DLG2: variants seen among roughly 807,000 people sequenced by gnomAD.
DLG2 encodes the protein disks large homolog 2.
DLG2 carries 45 observed loss-of-function variants against 132.5 expected under a neutral mutation model. The observed-to-expected ratio is 0.34, with a 90% CI of 0.27 to 0.44. DLG2 has a LOEUF of 0.44. Among genes scored for constraint, DLG2 ranks in the 20% least tolerant of loss-of-function variants. The pLI is 1.00. For synonymous variants in DLG2, 424 were observed against 419.6 expected (o/e 1.01, Z -0.13); for missense variants, 1,045 against 1,196.9 (o/e 0.87, Z 1.87).
intron 3 of DLG2, among the ~76,000 whole-genome samples, chr11:85,508,197 G>A (rs2093978564): frequency 6.6e-6 from 1 of 152,080 alleles, no homozygotes; most frequent in African/African-American, 2.4e-5. Context: ...ATCATGTGAA[G>A]CTTACTTATG....
chr11:84,120,063 A>G (rs2093831420), intron 9 of DLG2, among the ~76,000 whole-genome samples: 1 of 152,212 alleles, frequency 6.6e-6, no homozygotes, highest in South Asian at 2.1e-4. Context: ...ACTTCATTTC[A>G]TCCAAAGGCA....
At chr11:84,364,012 T>A (rs1261680120) in intron 7 of DLG2, among the ~76,000 whole-genome samples, 4 of 152,314 alleles carry the variant, frequency 2.6e-5, no homozygotes, top group African/African-American at 4.8e-5. Context: ...TGGTTCCATA[T>A]GAACTTTAAA....
intron 21 of DLG2, among the ~76,000 whole-genome samples, chr11:83,531,384 G>T: frequency 6.6e-6 from 1 of 151,900 alleles, no homozygotes; most frequent in East Asian, 1.9e-4. Context: ...ATATACAAAT[G>T]GCCAATAAGC....
At chr11:85,544,271 T>C (rs889636237) in intron 3 of DLG2, among the ~76,000 whole-genome samples, 5 of 152,244 alleles carry the variant, frequency 3.3e-5, no homozygotes, top group South Asian at 4.1e-4. Context: ...TGCTTGCTTT[T>C]GTCAGCTTTG....
Position 83,962,903 on chromosome 11 carries a change from A to G in DLG2, c.1322T>C (p.Val441Ala). ...ATCTGACCTGGTGTAGTCGTCGTCA[A>G]CAAGCATGTGCTTTGGAATTGGTGA... ...RYSPIPKHMLVDDDYTRPPEP... is the reference protein window; with the variant it reads ...RYSPIPKHMLADDDYTRPPEP... Residue 441 changes from valine to alanine, a missense_variant, in exon 14 of 28, where the codon GTT becomes GCT. Val to Ala is a moderately conservative substitution (Grantham distance 64). Around this residue, in one of 4 missense-constraint regions of DLG2, gnomAD observed 261 missense variants for 256.1 expected, o/e 1.02. Transcript: ENST00000376104. The G allele has an allele frequency of 6.2e-7, 1 of 1,613,026 alleles. No individual in the cohort carries two copies. Among genetic ancestry groups the G allele is most frequent in the African/African-American group, 1.3e-5 (1 of 74,974 alleles).
intron 15 of DLG2, among the ~76,000 whole-genome samples, chr11:83,903,722 T>G (rs2154101530): frequency 6.6e-6 from 1 of 152,298 alleles, no homozygotes; most frequent in South Asian, 2.1e-4. Flanking sequence ...ATTCACATCT[T>G]AAAATAAGTG....
At chr11:84,750,813 T>C (rs2066009424) in intron 6 of DLG2, among the ~76,000 whole-genome samples, 1 of 152,184 alleles carries the variant, frequency 6.6e-6, no homozygotes, top group Non-Finnish European at 1.5e-5. Flanking sequence ...ATGTGTAATT[T>C]ATGATCTTAC....
chr11:84,764,278 T>C (rs1353458707), intron 6 of DLG2, among the ~76,000 whole-genome samples: 1 of 152,158 alleles, frequency 6.6e-6, no homozygotes, highest in Non-Finnish European at 1.5e-5. Context: ...TTTTCCCCTA[T>C]AGTTACTCTC....
chr11:84,739,010 G>A (rs1276690570), intron 6 of DLG2, among the ~76,000 whole-genome samples: 2 of 152,046 alleles, frequency 1.3e-5, no homozygotes, highest in African/African-American at 2.4e-5. Flanking sequence ...GTGATATAAA[G>A]TAGATCTACT....
chr11:84,556,773 G>A (rs1232843035), intron 6 of DLG2, among the ~76,000 whole-genome samples: 1 of 152,188 alleles, frequency 6.6e-6, no homozygotes, highest in East Asian at 1.9e-4. Context: ...AATCATTCAT[G>A]TGTTCTTATC....
intron 8 of DLG2, among the ~76,000 whole-genome samples, chr11:84,167,827 A>ACT (rs1566788997): frequency 1.3e-5 from 2 of 152,098 alleles, no homozygotes; most frequent in African/African-American, 4.8e-5. Flanking sequence ...CCACCATGCC[A>ACT]AGCTAATTTT....
intron 7 of DLG2, among the ~76,000 whole-genome samples, chr11:84,525,948 A>G (rs915673824): frequency 2.0e-5 from 3 of 152,098 alleles, no homozygotes; most frequent in African/African-American, 7.2e-5. Flanking sequence ...TCAAGTAAAA[A>G]ATGATCTCGT....
chr11:84,425,667 A>G (rs1044995947), intron 7 of DLG2, among the ~76,000 whole-genome samples: 1 of 152,138 alleles, frequency 6.6e-6, no homozygotes, highest in African/African-American at 2.4e-5. Context: ...TCATCCTACA[A>G]CATCCCCTAT....
chr11:83,832,950 T>C (rs1160025443), intron 17 of DLG2, among the ~76,000 whole-genome samples: 1 of 152,154 alleles, frequency 6.6e-6, no homozygotes, highest in Non-Finnish European at 1.5e-5. Context: ...GTTTAGAGTA[T>C]GGTTATGAGT....
chr11:85,554,284 T>G (rs991119526), intron 3 of DLG2, among the ~76,000 whole-genome samples: 36 of 151,686 alleles, frequency 2.4e-4, no homozygotes, highest in African/African-American at 8.7e-4. Context: ...TAAAAAATAT[T>G]AGAGAAAATA....
chr11:84,282,681 C>T (rs896503493), intron 7 of DLG2, among the ~76,000 whole-genome samples: 5 of 152,100 alleles, frequency 3.3e-5, no homozygotes, highest in Non-Finnish European at 5.9e-5. Context: ...AAAGCAATGA[C>T]CTTCCAGCAG....
rs1170881473 is a variant in DLG2, at chr11:84,146,645, ACATGAC to A, written c.624+16810_624+16815del. 3.9e-5 allele frequency among the ~76,000 whole-genome samples: 6 copies of A among 152,300 alleles called. No individual in the cohort carries two copies. In the East Asian group the frequency reaches 1.2e-3, roughly 29 times the overall value. On this transcript the variant is annotated intron_variant, in intron 9 of 27. Coordinates refer to ENST00000376104, the MANE Select transcript of DLG2 (RefSeq NM_001142699.3). Reference sequence around the variant, plus strand: ...CAGGCTGTGGCAATATGACCCTAGGACATGACCTACCTGACAACTTCAGAATAGTGA... The same window carrying A: ...CAGGCTGTGGCAATATGACCCTAGGACTACCTGACAACTTCAGAATAGTGA...
At chr11:84,413,096 CTAG>C (rs957090372) in intron 7 of DLG2, among the ~76,000 whole-genome samples, 1 of 152,116 alleles carries the variant, frequency 6.6e-6, no homozygotes, top group African/African-American at 2.4e-5. Flanking sequence ...AATGAATGAC[CTAG>C]TTAGGCTCAT....
At chr11:84,935,289 C>A (rs1219804831) in intron 6 of DLG2, among the ~76,000 whole-genome samples, 1 of 152,146 alleles carries the variant, frequency 6.6e-6, no homozygotes, top group African/African-American at 2.4e-5. Context: ...TGACCCAGAT[C>A]TATGAAAGAG....
Sources: gnomAD v4.1 joint callset for allele counts (sites outside exome capture counted in the v4.1 genomes callset) on GRCh38, gnomAD v4.1.1 for gene constraint, gnomAD v4.1.1 regional missense constraint, MANE v1.5 for transcripts, NCBI Gene and HGNC (gene_info 2026-07-23, HGNC 2026-07-21) for gene names.